The following TTC1 variants were observed in gnomAD, a reference collection of about 807,000 sequenced individuals.
TTC1 encodes tetratricopeptide repeat protein 1.
In TTC1, 31 loss-of-function variants were observed where a neutral mutation model predicts 37.6. That is an observed-to-expected ratio of 0.82 (90% CI 0.62 to 1.11). The LOEUF (loss-of-function observed/expected upper bound fraction) is 1.11, where lower values mean the gene tolerates loss of function less well. TTC1 is among the 50% of genes most tolerant of loss of function. The pLI is 0.00. For synonymous variants in TTC1, 127 were observed against 122.4 expected (o/e 1.04, Z -0.25); for missense variants, 351 against 339.0 (o/e 1.04, Z -0.28).
intron 2 of TTC1, among the ~76,000 whole-genome samples, chr5:160,030,661 C>A (rs978910414): frequency 3.3e-5 from 5 of 152,154 alleles, no homozygotes; most frequent in African/African-American, 9.7e-5. Context: ...TTGGCAGTTC[C>A]TGTGATGATT....
intron 7 of TTC1, among the ~76,000 whole-genome samples, chr5:160,064,189 G>C (rs771308283): frequency 3.3e-5 from 5 of 151,886 alleles, no homozygotes; most frequent in Non-Finnish European, 7.4e-5. Flanking sequence ...GGCTGGTCTC[G>C]AACTCCTGAC....
At chr5:160,028,238 G>A (rs1483423939) in intron 2 of TTC1, among the ~76,000 whole-genome samples, 2 of 149,420 alleles carry the variant, frequency 1.3e-5, no homozygotes, top group African/African-American at 5.0e-5. Context: ...GGCGGAGCTT[G>A]CAGTGAGCCA....
intron 2 of TTC1, among the ~76,000 whole-genome samples, chr5:160,016,141 G>A (rs1756601777): frequency 1.3e-5 from 2 of 152,180 alleles, no homozygotes; most frequent in Admixed American, 1.3e-4. Flanking sequence ...ACTTTGGGAG[G>A]CCAAGGTGGG....
At chr5:160,022,365 TA>T (rs767175403) in intron 2 of TTC1, among the ~76,000 whole-genome samples, 8 of 152,246 alleles carry the variant, frequency 5.3e-5, no homozygotes, top group Non-Finnish European at 1.2e-4. Context: ...CCCAGGATTT[TA>T]AATTATATCA....
intron 2 of TTC1, among the ~76,000 whole-genome samples, chr5:160,024,950 C>T (rs536855946): frequency 4.1e-4 from 63 of 152,364 alleles, no homozygotes; most frequent in Non-Finnish European, 7.2e-4. Flanking sequence ...GATCCTCCCA[C>T]CTCAGCCTCC....
At chr5:160,018,991 T>C (rs1756654667) in intron 2 of TTC1, among the ~76,000 whole-genome samples, 1 of 152,252 alleles carries the variant, frequency 6.6e-6, no homozygotes, top group Non-Finnish European at 1.5e-5. Context: ...GTGTGGCCTT[T>C]ATTAATATGA....
chr5:160,026,543 C>T (rs1045229880), intron 2 of TTC1, among the ~76,000 whole-genome samples: 3 of 152,130 alleles, frequency 2.0e-5, no homozygotes, highest in East Asian at 1.9e-4. Context: ...ACCTTTTTAC[C>T]GTTATGAAAT....
intron 2 of TTC1, among the ~76,000 whole-genome samples, chr5:160,026,205 C>T (rs1346917606): frequency 6.6e-6 from 1 of 152,170 alleles, no homozygotes; most frequent in East Asian, 1.9e-4. Context: ...AGTTGTTTGG[C>T]TAGGGATGTC....
intron 7 of TTC1, among the ~76,000 whole-genome samples, chr5:160,056,353 G>A (rs190542577): frequency 6.6e-6 from 1 of 152,240 alleles, no homozygotes; most frequent in Admixed American, 6.5e-5. Flanking sequence ...AAGTCACTCA[G>A]TTGTTCACTC....
intron 7 of TTC1, among the ~76,000 whole-genome samples, chr5:160,063,075 A>G (rs992366761): frequency 1.3e-5 from 2 of 152,206 alleles, no homozygotes; most frequent in Admixed American, 1.3e-4. Flanking sequence ...CCTGGAGAAC[A>G]GCCATCCCAG....
intron 7 of TTC1, among the ~76,000 whole-genome samples, chr5:160,056,872 A>G (rs2113410125): frequency 6.6e-6 from 1 of 152,320 alleles, no homozygotes; most frequent in East Asian, 1.9e-4. Flanking sequence ...CAAGTAGTAG[A>G]AGGTCCTAGA....
At chr5:160,062,607 T>C (rs1182142358) in intron 7 of TTC1, among the ~76,000 whole-genome samples, 2 of 152,172 alleles carry the variant, frequency 1.3e-5, no homozygotes, top group Non-Finnish European at 2.9e-5. Flanking sequence ...GCACTGGAGA[T>C]GGGCTTGCAG....
chr5:160,045,514 A>ACTCTCTC (rs57730976), intron 5 of TTC1, among the ~76,000 whole-genome samples: 3 of 29,734 alleles, frequency 1.0e-4, no homozygotes, highest in Admixed American at 8.9e-4. Context: ...ACACACACAC[A>ACTCTCTC]TACACACTCT....
At chr5:160,015,709 C>G (rs1245234657) in intron 2 of TTC1, among the ~76,000 whole-genome samples, 1 of 152,144 alleles carries the variant, frequency 6.6e-6, no homozygotes. Flanking sequence ...TAAAGTGTTT[C>G]CCAGAGTTCT....
At chr5:160,056,645 C>A (rs1227734697) in intron 7 of TTC1, among the ~76,000 whole-genome samples, 1 of 152,184 alleles carries the variant, frequency 6.6e-6, no homozygotes, top group East Asian at 1.9e-4. Context: ...ATTGCTTGAG[C>A]CCAGGAGATC....
In TTC1 at chr5:160,035,170, G is replaced by T; in HGVS notation, c.361G>T (p.Glu121Ter). 1 of 1,605,958 alleles carries T rather than the reference G, an allele frequency of 6.2e-7. No individual in the cohort carries two copies. The highest frequency in any genetic ancestry group is 1.1e-5 in the South Asian group (1 of 89,138). Residue 121 changes from glutamate to a stop codon, truncating the protein, a stop_gained, in exon 3 of 8, where the codon GAG becomes TAG. Coordinates refer to ENST00000231238, the MANE Select transcript of TTC1 (RefSeq NM_003314.3). LOFTEE classifies it high-confidence loss of function. ...KRREESTRLKEEGNEQFKKGD... is the reference protein window; with the variant it reads ...KRREESTRLK ...AAGAGAAGAGAGCACTAGACTAAAG[G>T]AGGAGGGAAATGAACAGTTTAAGAA...
chr5:160,052,376 C>T (rs544010494), intron 7 of TTC1, among the ~76,000 whole-genome samples: 1 of 151,728 alleles, frequency 6.6e-6, no homozygotes, highest in African/African-American at 2.4e-5. Context: ...TGTGCCTGCC[C>T]ATAGTCCCAG....
At chr5:160,064,157 T>C (rs1048939341) in intron 7 of TTC1, among the ~76,000 whole-genome samples, 1 of 151,796 alleles carries the variant, frequency 6.6e-6, no homozygotes, top group Admixed American at 6.6e-5. Context: ...TTTGTAGAGA[T>C]AGGGTTTCAT....
At chr5:160,050,597 A>G (rs1037250527) in intron 6 of TTC1, among the ~76,000 whole-genome samples, 1 of 149,352 alleles carries the variant, frequency 6.7e-6, no homozygotes, top group African/African-American at 2.5e-5. Flanking sequence ...TAGACTTTCT[A>G]TTAAGAACTG....
Sources: allele counts gnomAD v4.1 joint callset (sites outside exome capture counted in the v4.1 genomes callset), GRCh38; gene constraint gnomAD v4.1.1; transcripts MANE v1.5; gene names NCBI Gene and HGNC (gene_info 2026-07-23, HGNC 2026-07-21).